RABGAP1L: variants seen among roughly 807,000 people sequenced by gnomAD.
The protein encoded by RABGAP1L is RAB GTPase activating protein 1 like, also known as rab GTPase-activating protein 1-like.
RABGAP1L carries 63 observed loss-of-function variants against 137.7 expected under a neutral mutation model. That is an observed-to-expected ratio of 0.46 (90% CI 0.37 to 0.56). The LOEUF (loss-of-function observed/expected upper bound fraction) is 0.56. Ranked by LOEUF, RABGAP1L falls within the 20% of genes least tolerant of loss-of-function variation. The pLI is 0.00. For missense variants in RABGAP1L, 1,095 were observed against 1,244.0 expected (o/e 0.88, Z 1.80); for synonymous variants, 431 against 433.7 (o/e 0.99, Z 0.08).
chr1:174,371,773 CA>C (rs1685130965), intron 12 of RABGAP1L, among the ~76,000 whole-genome samples: 2 of 151,982 alleles, frequency 1.3e-5, no homozygotes, highest in African/African-American at 2.4e-5. Context: ...GCGGGTAGTC[CA>C]GGGGAGACTA....
intron 13 of RABGAP1L, among the ~76,000 whole-genome samples, chr1:174,587,933 G>A (rs1213937970): frequency 6.6e-6 from 1 of 152,046 alleles, no homozygotes; most frequent in African/African-American, 2.4e-5. Flanking sequence ...GCACAATCTC[G>A]ACTCACTGCA....
intron 13 of RABGAP1L, among the ~76,000 whole-genome samples, chr1:174,424,313 A>G (rs894443846): frequency 1.3e-5 from 2 of 152,078 alleles, no homozygotes; most frequent in African/African-American, 2.4e-5. Context: ...AAGTAGAGAT[A>G]TTGGCTAATA....
At chr1:174,629,211 C>G (rs1462787187) in intron 13 of RABGAP1L, among the ~76,000 whole-genome samples, 1 of 152,172 alleles carries the variant, frequency 6.6e-6, no homozygotes, top group African/African-American at 2.4e-5. Context: ...TAAACTCTTT[C>G]TACTCTCAAC....
chr1:174,274,823 T>G (rs1015947386), intron 8 of RABGAP1L, among the ~76,000 whole-genome samples: 1 of 152,112 alleles, frequency 6.6e-6, no homozygotes, highest in Non-Finnish European at 1.5e-5. Context: ...ACCAAATGAC[T>G]GACACAATTT....
At chr1:174,305,344 G>A (rs567372265) in intron 11 of RABGAP1L, among the ~76,000 whole-genome samples, 1 of 152,144 alleles carries the variant, frequency 6.6e-6, no homozygotes, top group African/African-American at 2.4e-5. Context: ...AAATTTGACA[G>A]CATCACTTGG....
intron 13 of RABGAP1L, chr1:174,548,172 A>G (rs1346514327): frequency 6.2e-6 from 9 of 1,460,622 alleles, no homozygotes; most frequent in African/African-American, 4.3e-5. Context: ...TCATTTTACA[A>G]CCTGTGTGCA....
chr1:174,289,660 C>G (rs928268146), intron 10 of RABGAP1L, among the ~76,000 whole-genome samples: 1 of 152,288 alleles, frequency 6.6e-6, no homozygotes, highest in Non-Finnish European at 1.5e-5. Context: ...GTCTGCCAAG[C>G]CTGGGCTTCT....
At chr1:174,936,955 A>C (rs1030289163) in intron 19 of RABGAP1L, among the ~76,000 whole-genome samples, 3 of 146,516 alleles carry the variant, frequency 2.0e-5, no homozygotes, top group Admixed American at 1.4e-4. Context: ...GAAGGACCAT[A>C]ATTTTTATAA....
At chr1:174,229,636 A>G (rs1408830872) in intron 3 of RABGAP1L, among the ~76,000 whole-genome samples, 1 of 152,152 alleles carries the variant, frequency 6.6e-6, no homozygotes, top group Admixed American at 6.6e-5. Context: ...CAATAAATCT[A>G]CACTTTACAT....
intron 13 of RABGAP1L, among the ~76,000 whole-genome samples, chr1:174,540,924 G>A (rs918753251): frequency 3.3e-5 from 5 of 152,186 alleles, no homozygotes; most frequent in African/African-American, 7.2e-5. Context: ...TCCTATCCAC[G>A]AGCATGGGAT....
At chr1:174,547,125 T>G (rs1310702086) in intron 13 of RABGAP1L, among the ~76,000 whole-genome samples, 1 of 152,070 alleles carries the variant, frequency 6.6e-6, no homozygotes, top group Non-Finnish European at 1.5e-5. Flanking sequence ...AACTGAGTTT[T>G]GACATAGAGA....
chr1:174,420,882 C>T lies in RABGAP1L; in HGVS notation c.1710+26737C>T, dbSNP rs367874273. On this transcript the variant is annotated intron_variant, in intron 13 of 25. Coordinates refer to ENST00000681986, the MANE Select transcript of RABGAP1L (RefSeq NM_001366446.1). ...AGTAGAGATGGGGTTTCACCGTGTT[C>T]GCCAGGATGGTCTCGATCTCCTGAC... Among the ~76,000 whole-genome samples the T allele has an allele frequency of 7.9e-5, 12 of 151,972 alleles. No individual in the cohort carries two copies. The East Asian group carries it at 9.7e-4, about 12-fold the overall frequency.
chr1:174,622,306 A>G (rs954292162), intron 13 of RABGAP1L, among the ~76,000 whole-genome samples: 3 of 152,196 alleles, frequency 2.0e-5, no homozygotes, highest in African/African-American at 4.8e-5. Context: ...TGATTCCTCA[A>G]GGATCTAGAA....
intron 19 of RABGAP1L, among the ~76,000 whole-genome samples, chr1:174,894,791 C>T (rs998288278): frequency 5.3e-5 from 8 of 152,114 alleles, no homozygotes; most frequent in Non-Finnish European, 1.0e-4. Context: ...GACAGTTGCT[C>T]TGTCGCCCTG....
intron 15 of RABGAP1L, among the ~76,000 whole-genome samples, chr1:174,695,232 T>G (rs185573715): frequency 9.1e-4 from 139 of 152,276 alleles, no homozygotes; most frequent in African/African-American, 3.0e-3. Context: ...TTACGCTCAA[T>G]AATTCATGGA....
At chr1:174,609,871 C>T (rs972705454) in intron 13 of RABGAP1L, among the ~76,000 whole-genome samples, 2 of 151,860 alleles carry the variant, frequency 1.3e-5, no homozygotes, top group African/African-American at 2.4e-5. Context: ...TGAGCAAACC[C>T]CAAACAGTTT....
chr1:174,866,615 A>G (rs534624034), intron 19 of RABGAP1L, among the ~76,000 whole-genome samples: 57 of 152,290 alleles, frequency 3.7e-4, no homozygotes, highest in Admixed American at 1.8e-3. Flanking sequence ...GCCTTATATA[A>G]TAAATACTAC....
intron 20 of RABGAP1L, among the ~76,000 whole-genome samples, chr1:174,958,495 G>A (rs868651845): frequency 8.5e-5 from 13 of 152,114 alleles, no homozygotes; most frequent in Admixed American, 1.3e-4. Context: ...AAAGAATACT[G>A]TATTTTCAGC....
chr1:174,579,794 A>T (rs546648782), intron 13 of RABGAP1L, among the ~76,000 whole-genome samples: 1 of 152,270 alleles, frequency 6.6e-6, no homozygotes, highest in South Asian at 2.1e-4. Context: ...ATGGAATCTC[A>T]CTCTGTTGCC....
Sources: allele counts gnomAD v4.1 joint callset (sites outside exome capture counted in the v4.1 genomes callset), GRCh38; gene constraint gnomAD v4.1.1; transcripts MANE v1.5; gene names NCBI Gene and HGNC (gene_info 2026-07-23, HGNC 2026-07-21).